AKR1C8: variants seen among roughly 807,000 people sequenced by gnomAD.
AKR1C8 encodes the protein aldo-keto reductase family 1 member C-like protein 1.
At chr10:5,152,732 A>G in the AKR1C8 span, among the ~76,000 whole-genome samples, 13 of 152,318 alleles carry the variant, frequency 8.5e-5, no homozygotes, top group Admixed American at 3.3e-4. Flanking sequence ...GTATTGTTTT[A>G]TGAGTCCCAA....
At chr10:5,164,609 T>C in the AKR1C8 span, among the ~76,000 whole-genome samples, 2 of 152,118 alleles carry the variant, frequency 1.3e-5, no homozygotes, top group Admixed American at 6.6e-5. Context: ...TGTCAGTGAA[T>C]AGGGCAGCTG....
At chr10:5,132,583 C>T in the AKR1C8 span, 1 of 1,521,064 alleles carries the variant, frequency 6.6e-7, no homozygotes, top group Non-Finnish European at 8.9e-7. Context: ...TGCATGCATG[C>T]TTATCATAGG....
chr10:5,172,752 G>T, the AKR1C8 span, among the ~76,000 whole-genome samples: 1 of 152,042 alleles, frequency 6.6e-6, no homozygotes, highest in Non-Finnish European at 1.5e-5. Flanking sequence ...GAACTGAAAG[G>T]TTCCACAGCC....
chr10:5,123,850 G>C, the AKR1C8 span: 1 of 1,592,978 alleles, frequency 6.3e-7, no homozygotes, highest in Non-Finnish European at 8.6e-7. Flanking sequence ...AAAAACATCA[G>C]ATAATATGAA....
chr10:5,180,590 G>C, the AKR1C8 span, among the ~76,000 whole-genome samples: 82,518 of 152,034 alleles, frequency 0.54, 23,308 homozygotes, highest in Non-Finnish European at 0.6. Context: ...GTGGAGCCTA[G>C]AGAGGCAGGC....
chr10:5,156,521 C>G, the AKR1C8 span, among the ~76,000 whole-genome samples: 1 of 83,450 alleles, frequency 1.2e-5, no homozygotes, highest in African/African-American at 3.7e-5. Flanking sequence ...TCATGAAAGA[C>G]TCAGATCTAT....
chr10:5,141,262 GCAATTCAGT>G, the AKR1C8 span, among the ~76,000 whole-genome samples: 2 of 152,114 alleles, frequency 1.3e-5, no homozygotes, highest in Non-Finnish European at 2.9e-5. Context: ...TGAAATTACA[GCAATTCAGT>G]CACATATTAA....
chr10:5,120,398 G>A, the AKR1C8 span, among the ~76,000 whole-genome samples: 7 of 152,090 alleles, frequency 4.6e-5, no homozygotes, highest in Non-Finnish European at 1.0e-4. Flanking sequence ...CCACGATCAA[G>A]CTGGTCTCAG....
the AKR1C8 span, among the ~76,000 whole-genome samples, chr10:5,137,588 G>T: frequency 3.5e-4 from 54 of 152,152 alleles, no homozygotes; most frequent in Non-Finnish European, 3.4e-4. Context: ...TAGGTAATAA[G>T]AGCTATTTAT....
chr10:5,169,390 G>A, the AKR1C8 span, among the ~76,000 whole-genome samples: 19 of 152,182 alleles, frequency 1.2e-4, no homozygotes, highest in African/African-American at 3.1e-4. Flanking sequence ...GGAGCAACAC[G>A]GTCTGTAGAT....
At chr10:5,137,520 GGAGAAAAGGCC>G in the AKR1C8 span, among the ~76,000 whole-genome samples, 1 of 152,064 alleles carries the variant, frequency 6.6e-6, no homozygotes, top group African/African-American at 2.4e-5. Flanking sequence ...CTCAATAGAT[GGAGAAAAGGCC>G]TTCGACAAAA....
the AKR1C8 span, chr10:5,159,735 T>A: frequency 2.2e-6 from 1 of 456,804 alleles, no homozygotes; most frequent in East Asian, 7.0e-5. Flanking sequence ...CCCACTCAAA[T>A]TGCTCTTTCT....
chr10:5,166,202 G>T, the AKR1C8 span, among the ~76,000 whole-genome samples: 1 of 151,298 alleles, frequency 6.6e-6, no homozygotes, highest in African/African-American at 2.4e-5. Context: ...AAAAAAAATG[G>T]CCATACTGCC....
chr10:5,175,514 T>C, the AKR1C8 span, among the ~76,000 whole-genome samples: 4 of 152,160 alleles, frequency 2.6e-5, no homozygotes, highest in East Asian at 1.9e-4. Flanking sequence ...CTAGGTCAAA[T>C]GGTATTTCTA....
chr10:5,136,440 C>T, the AKR1C8 span, among the ~76,000 whole-genome samples: 1 of 93,332 alleles, frequency 1.1e-5, no homozygotes, highest in African/African-American at 4.9e-5. Context: ...TCCAGCTACT[C>T]AAGAGGCTGA....
chr10:5,118,282 A>G, the AKR1C8 span, among the ~76,000 whole-genome samples: 1 of 152,218 alleles, frequency 6.6e-6, no homozygotes, highest in Non-Finnish European at 1.5e-5. Flanking sequence ...TCAGAATTCC[A>G]GCAAAGCAGA....
At chr10:5,160,035 T>A in the AKR1C8 span, 28 of 323,888 alleles carry the variant, frequency 8.6e-5, no homozygotes, top group Middle Eastern at 9.6e-4. Flanking sequence ...GTGATAGACC[T>A]TTAGTGTAAA....
the AKR1C8 span, chr10:5,162,837 C>G: frequency 1.9e-6 from 1 of 529,192 alleles, no homozygotes; most frequent in Non-Finnish European, 3.9e-6. Flanking sequence ...GGCTACTGTA[C>G]ACACAGAACT....
the AKR1C8 span, among the ~76,000 whole-genome samples, chr10:5,153,779 C>G: frequency 6.6e-6 from 1 of 152,150 alleles, no homozygotes; most frequent in Non-Finnish European, 1.5e-5. Flanking sequence ...CCACCAGATC[C>G]CTCCTCCAAT....
Sources: allele counts gnomAD v4.1 joint callset (sites outside exome capture counted in the v4.1 genomes callset), GRCh38; gene constraint gnomAD v4.1.1; transcripts MANE v1.5; gene names NCBI Gene and HGNC (gene_info 2026-07-23, HGNC 2026-07-21).